Variants in TSHZ2 observed in about 807,000 individuals in gnomAD.
TSHZ2 encodes the protein teashirt homolog 2.
A neutral mutation model predicts 74.4 loss-of-function variants in TSHZ2; 21 were observed. That is an observed-to-expected ratio of 0.28 (90% CI 0.20 to 0.41). The LOEUF (loss-of-function observed/expected upper bound fraction) is 0.41. Ranked by LOEUF, TSHZ2 falls within the 10% of genes least tolerant of loss-of-function variation. The pLI is 1.00. For missense variants in TSHZ2, 1,244 were observed against 1,293.5 expected, an observed-to-expected ratio of 0.96 and a Z score of 0.59; for synonymous variants, 540 against 515.3, an observed-to-expected ratio of 1.05 and a Z score of -0.65.
intron 1 of TSHZ2, among the ~76,000 whole-genome samples, chr20:53,048,080 G>C (rs528481791): frequency 6.6e-6 from 1 of 152,292 alleles, no homozygotes; most frequent in South Asian, 2.1e-4. Flanking sequence ...CTTGAATACA[G>C]CTGGCGCTGA....
intron 1 of TSHZ2, among the ~76,000 whole-genome samples, chr20:53,205,919 C>T (rs1989156959): frequency 6.6e-6 from 1 of 152,146 alleles, no homozygotes; most frequent in South Asian, 2.1e-4. Flanking sequence ...GTTCCCTTAT[C>T]TGAAAAATAA....
chr20:53,326,076 C>T (rs1979482599), intron 2 of TSHZ2, among the ~76,000 whole-genome samples: 1 of 152,210 alleles, frequency 6.6e-6, no homozygotes, highest in African/African-American at 2.4e-5. Context: ...GCCACCGCGC[C>T]CCACCCAACC....
rs532247001 is a variant in TSHZ2 at position 53,238,214 on chromosome 20, T to A, written c.41-15285T>A. On this transcript the variant is annotated intron_variant, in intron 1 of 2. Coordinates refer to ENST00000371497, the MANE Select transcript of TSHZ2 (RefSeq NM_173485.6). ...GGTTAGTATAAATGCATTCTTTGATTCAAAGTATGTATTGAGCACCATCTA... is the reference window on the plus strand; with the variant it reads ...GGTTAGTATAAATGCATTCTTTGATACAAAGTATGTATTGAGCACCATCTA... 1.1e-4 allele frequency among the ~76,000 whole-genome samples: 16 copies of A among 152,318 alleles called. 2 individuals carry two copies. The South Asian group carries it at 2.5e-3, about 24-fold the overall frequency.
chr20:52,973,435 G>A (rs751889735), intron 1 of TSHZ2, 102 bp downstream of exon 1: 4 of 1,453,082 alleles, frequency 2.8e-6, no homozygotes, highest in East Asian at 2.5e-5. Context: ...TTAAGCTTTC[G>A]GGGGAGTTTG....
At chr20:53,282,294 A>G (rs1991076692) in intron 2 of TSHZ2, among the ~76,000 whole-genome samples, 1 of 152,260 alleles carries the variant, frequency 6.6e-6, no homozygotes, top group Non-Finnish European at 1.5e-5. Flanking sequence ...TAATTTACAT[A>G]GCAATTCAAA....
chr20:53,352,590 A>G (rs1452922857), intron 2 of TSHZ2, among the ~76,000 whole-genome samples: 1 of 151,938 alleles, frequency 6.6e-6, no homozygotes. Flanking sequence ...CCTGGCCAAC[A>G]TGGTGAAACC....
chr20:53,474,026 T>C (rs1985914095), intron 2 of TSHZ2, among the ~76,000 whole-genome samples: 2 of 151,410 alleles, frequency 1.3e-5, no homozygotes, highest in Non-Finnish European at 2.9e-5. Context: ...CAAATCTACG[T>C]CTGATTGGGG....
At chr20:53,036,194 C>T (rs1269293611) in intron 1 of TSHZ2, among the ~76,000 whole-genome samples, 2 of 152,102 alleles carry the variant, frequency 1.3e-5, no homozygotes, top group Non-Finnish European at 2.9e-5. Context: ...CAGGATTTCA[C>T]GTGAGGCTTG....
rs1990384089 is a variant in TSHZ2, at chr20:53,253,681, T to G, written c.223T>G (p.Ser75Ala). The G allele has an allele frequency of 6.2e-7, 1 of 1,614,132 alleles. No homozygotes were observed. Residue 75 changes from serine (S) to alanine (A), a missense_variant, in exon 2 of 3, where the codon TCC becomes GCC. Around this residue, in one of 6 missense-constraint regions of TSHZ2, gnomAD observed 470 missense variants for 456.5 expected, o/e 1.03. Transcript: ENST00000371497. ...CCAGAACTCTCCAGGAAGTCATTTG[T>G]CCAATCAGGATGCCGAGAACGAGTC... Reference protein sequence around the residue: ...SYQNSPGSHLSNQDAENESLL... With the variant: ...SYQNSPGSHLANQDAENESLL...
chr20:53,403,477 A>C (rs1231800853), intron 2 of TSHZ2, among the ~76,000 whole-genome samples: 2 of 152,158 alleles, frequency 1.3e-5, no homozygotes, highest in African/African-American at 4.8e-5. Context: ...TTCTCTTTTT[A>C]AATAATTTGA....
At chr20:53,003,907 T>A (rs1047790569) in intron 1 of TSHZ2, among the ~76,000 whole-genome samples, 19 of 151,932 alleles carry the variant, frequency 1.3e-4, no homozygotes, top group South Asian at 2.1e-4. Flanking sequence ...TTTTTTTTTT[T>A]AATTATTTCT....
chr20:53,154,327 A>T (rs950435932), intron 1 of TSHZ2, among the ~76,000 whole-genome samples: 1 of 152,194 alleles, frequency 6.6e-6, no homozygotes, highest in Non-Finnish European at 1.5e-5. Flanking sequence ...TTTTTTTAAC[A>T]TTGCTCCTAT....
chr20:53,306,700 C>T (rs1408619644), intron 2 of TSHZ2, among the ~76,000 whole-genome samples: 1 of 152,154 alleles, frequency 6.6e-6, no homozygotes, highest in East Asian at 1.9e-4. Context: ...AGTTTGAAGG[C>T]ACGCCCTCAT....
intron 1 of TSHZ2, among the ~76,000 whole-genome samples, chr20:53,064,293 A>G (rs1158023328): frequency 6.6e-6 from 1 of 152,210 alleles, no homozygotes; most frequent in African/African-American, 2.4e-5. Context: ...CTGCCGCCAG[A>G]ACCCGGACAC....
chr20:53,445,860 C>T (rs1469206765), intron 2 of TSHZ2, among the ~76,000 whole-genome samples: 1 of 152,138 alleles, frequency 6.6e-6, no homozygotes, highest in Non-Finnish European at 1.5e-5. Context: ...ATATGTCATG[C>T]CATTGTCCTA....
chr20:53,006,997 A>G (rs76563230), intron 1 of TSHZ2, among the ~76,000 whole-genome samples: 3,085 of 152,326 alleles, frequency 0.02, 45 homozygotes, highest in African/African-American at 0.039. Context: ...CCATGAGTGA[A>G]CAAAGCTGAT....
chr20:53,308,388 G>A (rs191850634), intron 2 of TSHZ2, among the ~76,000 whole-genome samples: 17 of 152,198 alleles, frequency 1.1e-4, no homozygotes, highest in East Asian at 1.9e-4. Context: ...TAATCCTGCC[G>A]TGTTGAAAGC....
intron 1 of TSHZ2, among the ~76,000 whole-genome samples, chr20:53,222,814 T>C (rs1989594442): frequency 1.3e-5 from 2 of 152,216 alleles, no homozygotes; most frequent in Admixed American, 1.3e-4. Flanking sequence ...ATTAGAAGCC[T>C]ATTTAAAACA....
chr20:53,489,471 T>G lies in TSHZ2; in HGVS notation c.*2336T>G, dbSNP rs1986388838. The G allele has an allele frequency of 6.7e-6, 2 of 298,722 alleles. No individual in the cohort carries two copies. Among genetic ancestry groups the G allele is most frequent in the Non-Finnish European group, 6.5e-6 (1 of 152,676 alleles). 18.5% of individuals were successfully genotyped at this position (298,722 alleles called of 1,614,324 possible). A position where few individuals can be genotyped will look rare whatever the true frequency, so the allele number is the denominator to read the frequency against. Reference sequence around the variant, plus strand: ...AATTGTCTGCTCCAATCCAGGGTTATTAGGCCAAAGTTACATAATTCAGAT... The same window carrying G: ...AATTGTCTGCTCCAATCCAGGGTTAGTAGGCCAAAGTTACATAATTCAGAT... On this transcript the variant is annotated 3_prime_UTR_variant, in exon 3 of 3. Transcript: ENST00000371497.
Sources: gnomAD v4.1 joint callset for allele counts (sites outside exome capture counted in the v4.1 genomes callset) on GRCh38, gnomAD v4.1.1 for gene constraint, gnomAD v4.1.1 regional missense constraint, MANE v1.5 for transcripts, NCBI Gene and HGNC (gene_info 2026-07-23, HGNC 2026-07-21) for gene names.